HSPA13: variants seen among roughly 807,000 people sequenced by gnomAD.
HSPA13 encodes heat shock 70 kDa protein 13.
Under a neutral mutation model 38.8 loss-of-function variants are expected in HSPA13, and 29 were observed. The ratio of observed to expected loss-of-function variants is 0.75; its 90% confidence interval spans 0.56 to 1.02. The LOEUF (loss-of-function observed/expected upper bound fraction) is 1.02. HSPA13 is among the 50% of genes least tolerant of loss of function. The pLI, the probability that HSPA13 is intolerant of heterozygous loss-of-function variation, is 0.00. For missense variants in HSPA13, 451 were observed against 560.9 expected, an observed-to-expected ratio of 0.80 and a Z score of 1.98; for synonymous variants, 192 against 205.3, an observed-to-expected ratio of 0.94 and a Z score of 0.56.
chr21:14,378,593 A>T (rs1291578366), intron 2 of HSPA13, among the ~76,000 whole-genome samples, 181 bp from the exon 3 acceptor site: 1 of 152,118 alleles, frequency 6.6e-6, no homozygotes, highest in East Asian at 1.9e-4. Context: ...TTATACATTA[A>T]AATCTGTACA....
At chr21:14,381,984 A>C (rs2123530187) in intron 1 of HSPA13, among the ~76,000 whole-genome samples, 1 of 152,312 alleles carries the variant, frequency 6.6e-6, no homozygotes, top group Non-Finnish European at 1.5e-5. Flanking sequence ...TAAAATTCTC[A>C]CAAGAAAAAC....
At chr21:14,382,554 A>G (rs554766130) in intron 1 of HSPA13, among the ~76,000 whole-genome samples, 1 of 152,184 alleles carries the variant, frequency 6.6e-6, no homozygotes, top group South Asian at 2.1e-4. Flanking sequence ...ACCAAGTGCG[A>G]ATCCCACTTT....
At chr21:14,374,530 G>A (rs1983971150) in intron 4 of HSPA13, among the ~76,000 whole-genome samples, 1 of 152,092 alleles carries the variant, frequency 6.6e-6, no homozygotes. Flanking sequence ...AGGAGTTGGA[G>A]ACCAGACTGG....
Position 14,381,339 on chromosome 21 carries a change from T to G in HSPA13, c.230A>C (p.Asp77Ala). The change falls in exon 2 of 5, where the codon GAT (aspartate) becomes GCT (alanine). Residue 77 changes from aspartate to alanine, a missense_variant. By Grantham distance (126) the Asp-to-Ala change is moderately radical. Coordinates refer to ENST00000285667, the MANE Select transcript of HSPA13 (RefSeq NM_006948.5). ...IPSMVSFTDN[D>A]VYVGYESVEL... is the part of the protein sequence containing the mutation. ...TACGCTTTCATATCCCACATATACA[T>G]CATTGTCAGTAAAAGACACCATGCT... 1 of 1,614,170 alleles carries G rather than the reference T, an allele frequency of 6.2e-7. No individual in the cohort carries two copies. Among genetic ancestry groups the G allele is most frequent in the Non-Finnish European group, 8.5e-7 (1 of 1,180,024 alleles).
At chr21:14,381,069 G>C (rs964144213) in intron 2 of HSPA13, 134 bp downstream of exon 2, 4 of 673,772 alleles carry the variant, frequency 5.9e-6, no homozygotes, top group Non-Finnish European at 9.8e-6. Flanking sequence ...GGAATTTCTG[G>C]TTATGTGAGA....
chr21:14,374,135 T>G lies in HSPA13; in HGVS notation c.898A>C (p.Thr300Pro), dbSNP rs1982895752. 1.2e-6 allele frequency: 2 copies of G among 1,613,972 alleles called. No homozygotes were observed. Among genetic ancestry groups the G allele is most frequent in the Admixed American group, 1.7e-5 (1 of 60,000 alleles). The change falls in exon 5 of 5, where the codon ACT becomes CCT. Residue 300 changes from threonine to proline, a missense_variant. Physicochemically the swap from Thr to Pro is conservative, Grantham distance 38. Coordinates refer to ENST00000285667, the MANE Select transcript of HSPA13 (RefSeq NM_006948.5). ...GACAACTGAGCAGATTGATGAAGAG[T>G]CAGATTTAATTTGACCATTTCCACA... ...QAVEMVKLNL[T>P]LHQSAQLSVL...
At chr21:14,375,176 T>C (rs1029902867) in intron 4 of HSPA13, among the ~76,000 whole-genome samples, 1 of 152,208 alleles carries the variant, frequency 6.6e-6, no homozygotes, top group South Asian at 2.1e-4. Flanking sequence ...TGAAATATAC[T>C]GATCACCCTT....
In HSPA13 at chr21:14,381,560, T is replaced by C. The variant is rs373459544; in HGVS notation, c.26-17A>G. ...CAGCCGATCCTGAAATAAAGGAAAA[T>C]TAAAAGATGTATTTTATCAAACTAG... On this transcript the variant is annotated splice_polypyrimidine_tract_variant and intron_variant, in intron 1 of 4. Transcript: ENST00000285667. 7.0e-6 allele frequency: 11 copies of C among 1,565,994 alleles called. No individual in the cohort carries two copies. Among genetic ancestry groups the C allele is most frequent in the Non-Finnish European group, 7.8e-6 (9 of 1,149,400 alleles).
intron 2 of HSPA13, among the ~76,000 whole-genome samples, chr21:14,380,130 C>A: frequency 6.7e-6 from 1 of 149,504 alleles, no homozygotes; most frequent in Admixed American, 6.6e-5. Flanking sequence ...AAAAAAAAAG[C>A]AGCGAAATCC....
In HSPA13 at chr21:14,381,391, C is replaced by G. The variant is rs1984164903; in HGVS notation, c.178G>C (p.Asp60His). The change falls in exon 2 of 5, where the codon GAT becomes CAT. Residue 60 changes from aspartate to histidine, a missense_variant. Coordinates refer to ENST00000285667, the MANE Select transcript of HSPA13 (RefSeq NM_006948.5). ...GGTATGCTGATATGCCCATTTTCATCTGGAATCACCTTTACTTTTCCTGTG... is the reference window on the plus strand; with the variant it reads ...GGTATGCTGATATGCCCATTTTCATGTGGAATCACCTTTACTTTTCCTGTG... ...PGTGKVKVIP[D>H]ENGHISIPSM... 4 of 1,613,992 alleles carry G rather than the reference C, an allele frequency of 2.5e-6. No homozygotes were observed. The South Asian group carries it at 3.3e-5, about 13-fold the overall frequency.
intron 2 of HSPA13, among the ~76,000 whole-genome samples, chr21:14,380,128 A>G (rs1428998832): frequency 6.6e-6 from 1 of 152,144 alleles, no homozygotes; most frequent in African/African-American, 2.4e-5. Context: ...AGAAAAAAAA[A>G]GCAGCGAAAT....
intron 2 of HSPA13, among the ~76,000 whole-genome samples, chr21:14,380,010 C>CAA (rs556367544): frequency 7.9e-6 from 1 of 126,992 alleles, no homozygotes; most frequent in Admixed American, 8.1e-5. Flanking sequence ...GAGACTGTCT[C>CAA]AAAAAAAAAA....
At position 14,372,305 on chromosome 21, in the gene HSPA13, A is replaced by G. The variant is rs1350509995; in HGVS notation, c.*1312T>C. On this transcript the variant is annotated 3_prime_UTR_variant, in exon 5 of 5. Coordinates refer to ENST00000285667, the MANE Select transcript of HSPA13 (RefSeq NM_006948.5). ...TTCCTCTATTAAGGAAAATATGTAT[A>G]TATATATATAATCTGTATCCATATA... The G allele has an allele frequency of 2.0e-5, 3 of 151,992 alleles. No homozygotes were observed. The East Asian group carries it at 5.8e-4, about 29-fold the overall frequency. The allele number at this position is 151,992 out of a possible 1,614,324, so 9.4% of individuals were successfully genotyped here. A position where few individuals can be genotyped will look rare whatever the true frequency, so the allele number is the denominator to read the frequency against.
In HSPA13 at chr21:14,374,031, G is replaced by A. The variant is rs1001576630; in HGVS notation, c.1002C>T (p.Ser334=). 1.2e-6 allele frequency: 2 copies of A among 1,614,092 alleles called. No homozygotes were observed. The highest frequency in any genetic ancestry group is 2.7e-5 in the African/African-American group (2 of 74,930). ...SDTELPKDKL[S]SADDHRVNSG... is the part of the protein sequence containing the mutation. ...TGTTCACGCGATGGTCATCTGCTGAGGAAAGTTTGTCTTTTGGCAGTTCAG... is the reference window on the plus strand; with the variant it reads ...TGTTCACGCGATGGTCATCTGCTGAAGAAAGTTTGTCTTTTGGCAGTTCAG... Residue 334 remains serine, a synonymous_variant, in exon 5 of 5, where the codon TCC becomes TCT. Coordinates refer to ENST00000285667, the MANE Select transcript of HSPA13 (RefSeq NM_006948.5).
rs1982874243 is a variant in HSPA13, at chr21:14,373,415, G to C, written c.*202C>G. On this transcript the variant is annotated 3_prime_UTR_variant, in exon 5 of 5. Coordinates refer to ENST00000285667, the MANE Select transcript of HSPA13 (RefSeq NM_006948.5). ...TCATTTTAGAGTATTTGTTAGAATAGGATCTCTCCAAAATCAAACAGGATC... is the reference window on the plus strand; with the variant it reads ...TCATTTTAGAGTATTTGTTAGAATACGATCTCTCCAAAATCAAACAGGATC... The C allele has an allele frequency of 1.8e-6, 1 of 542,768 alleles. No homozygotes were observed. The highest frequency in any genetic ancestry group is 3.3e-6 in the Non-Finnish European group (1 of 306,474). The allele number at this position is 542,768 out of a possible 1,614,324, so 33.6% of individuals were successfully genotyped here.
Position 14,373,768 on chromosome 21 carries a change from A to G in HSPA13, c.1265T>C (p.Phe422Ser). Residue 422 changes from phenylalanine (F) to serine (S), a missense_variant, in exon 5 of 5, where the codon TTT (phenylalanine) becomes TCT (serine). By Grantham distance (155) the Phe-to-Ser change is radical (BLOSUM62 -2). Coordinates refer to ENST00000285667, the MANE Select transcript of HSPA13 (RefSeq NM_006948.5). Reference sequence around the variant, plus strand: ...TACAGATGTGTTGGGATCTTTTCCAAAGAACTCTTGAATGACTTGACGGAT... The same window carrying G: ...TACAGATGTGTTGGGATCTTTTCCAGAGAACTCTTGAATGACTTGACGGAT... ...PRIRQVIQEF[F>S]GKDPNTSVDP... 1 of 1,614,168 alleles carries G rather than the reference A, an allele frequency of 6.2e-7. No individual in the cohort carries two copies.
intron 1 of HSPA13, 90 bp from the exon 2 acceptor site, chr21:14,381,633 T>C: frequency 8.6e-7 from 1 of 1,160,334 alleles, no homozygotes; most frequent in Non-Finnish European, 1.2e-6. Context: ...TATCACTCGT[T>C]GAAACAAGGC....
In HSPA13 at chr21:14,371,869, A is replaced by G. The variant is rs557334163; in HGVS notation, c.*1748T>C. On this transcript the variant is annotated 3_prime_UTR_variant, in exon 5 of 5. Transcript: ENST00000285667. ...CAATTCTAAAATCTATTACAGATTT[A>G]TATAAAGTCCAAGAGAACATGTGAA... 1 of 152,658 alleles carries G rather than the reference A, an allele frequency of 6.6e-6. No individual in the cohort carries two copies. The highest frequency in any genetic ancestry group is 2.1e-4 in the South Asian group (1 of 4,834). 9.5% of individuals were successfully genotyped at this position (152,658 alleles called of 1,614,324 possible).
Position 14,373,576 on chromosome 21 carries a change from T to TA in HSPA13, c.*40_*41insT. 6.8e-7 allele frequency: 1 copy of TA among 1,477,420 alleles called. No individual in the cohort carries two copies. Among genetic ancestry groups the TA allele is most frequent in the Non-Finnish European group, 9.2e-7 (1 of 1,083,218 alleles). 91.5% of individuals were successfully genotyped at this position (1,477,420 alleles called of 1,614,324 possible). A position where few individuals can be genotyped will look rare whatever the true frequency, so the allele number is the denominator to read the frequency against. ...AGGTAATCTGATAAATGGGAAGAGA[T>TA]CATCAGACAAGTTCACAAATAACCA... On this transcript the variant is annotated 3_prime_UTR_variant, in exon 5 of 5. Coordinates refer to ENST00000285667, the MANE Select transcript of HSPA13 (RefSeq NM_006948.5).
Sources: allele counts gnomAD v4.1 joint callset (sites outside exome capture counted in the v4.1 genomes callset), GRCh38; gene constraint gnomAD v4.1.1; transcripts MANE v1.5; gene names NCBI Gene and HGNC (gene_info 2026-07-23, HGNC 2026-07-21).